Variants in ZFAT observed in about 807,000 individuals in gnomAD.
ZFAT encodes zinc finger protein ZFAT.
Under a neutral mutation model 117.7 loss-of-function variants are expected in ZFAT, and 64 were observed. The observed-to-expected ratio is 0.54, with a 90% CI of 0.44 to 0.67. ZFAT has a LOEUF of 0.67. ZFAT is among the 30% of genes least tolerant of loss of function. The probability of loss-of-function intolerance (pLI) is 0.00; values close to 1 mark genes in which losing one functional copy is unlikely to be tolerated. For missense variants in ZFAT, 1,433 were observed against 1,584.5 expected, an observed-to-expected ratio of 0.90 and a Z score of 1.62; for synonymous variants, 679 against 615.0, an observed-to-expected ratio of 1.10 and a Z score of -1.54.
the ZFAT span, chr8:134,797,636 T>G: frequency 6.6e-6 from 1 of 152,126 alleles, no homozygotes; most frequent in Admixed American, 6.6e-5. Context: ...CAGGTTCTAC[T>G]GCTAAGATTT....
At chr8:134,484,485 G>C (rs1817533994) in intron 15 of ZFAT, among the ~76,000 whole-genome samples, 1 of 152,222 alleles carries the variant, frequency 6.6e-6, no homozygotes, top group Admixed American at 6.5e-5. Flanking sequence ...AGGGAAGACG[G>C]TGCATTGTCT....
intron 3 of ZFAT, among the ~76,000 whole-genome samples, chr8:134,628,298 C>T (rs1172009449): frequency 1.3e-5 from 2 of 152,122 alleles, no homozygotes; most frequent in Non-Finnish European, 2.9e-5. Context: ...ATGGTGAGGG[C>T]ACAGGACACT....
the ZFAT span, among the ~76,000 whole-genome samples, chr8:134,746,043 TC>T: frequency 0.012 from 1,803 of 152,314 alleles, 41 homozygotes; most frequent in African/African-American, 0.041. Context: ...GAAAGCCCCT[TC>T]CAGGTTTCAT....
chr8:134,515,350 G>A (rs549520135), intron 13 of ZFAT, among the ~76,000 whole-genome samples: 1 of 152,302 alleles, frequency 6.6e-6, no homozygotes, highest in African/African-American at 2.4e-5. Flanking sequence ...GGGTCAAATG[G>A]TATTTCTGGT....
the ZFAT span, among the ~76,000 whole-genome samples, chr8:134,776,158 G>A: frequency 7.4e-4 from 112 of 152,320 alleles, 1 homozygote; most frequent in South Asian, 3.5e-3. Flanking sequence ...GATGAACACT[G>A]TGTGGTATTA....
the ZFAT span, among the ~76,000 whole-genome samples, chr8:134,809,437 T>C: frequency 6.6e-6 from 1 of 152,202 alleles, no homozygotes; most frequent in East Asian, 1.9e-4. Context: ...CCAGTTTTCC[T>C]AAATAGTATT....
chr8:134,497,487 G>T (rs1426467651), intron 15 of ZFAT, among the ~76,000 whole-genome samples: 17 of 123,900 alleles, frequency 1.4e-4, no homozygotes, highest in African/African-American at 4.1e-4. Flanking sequence ...AGCCTGATTT[G>T]GTAGGGTTGG....
At chr8:134,675,126 A>G (rs1832733283) in intron 1 of ZFAT, among the ~76,000 whole-genome samples, 1 of 152,232 alleles carries the variant, frequency 6.6e-6, no homozygotes, top group South Asian at 2.1e-4. Flanking sequence ...TGACAGAAGT[A>G]GGCTTCAGAA....
rs1480626434 is a variant in ZFAT, at chr8:134,478,295, TATTGCTG to T, written c.*180_*186del. The T allele has an allele frequency of 2.7e-5, 19 of 716,056 alleles. No individual in the cohort carries two copies. The African/African-American group carries it at 2.7e-4, about 10-fold the overall frequency. The allele number at this position is 716,056 out of a possible 1,614,324, so 44.4% of individuals were successfully genotyped here. A position where few individuals can be genotyped will look rare whatever the true frequency, so the allele number is the denominator to read the frequency against. On this transcript the variant is annotated 3_prime_UTR_variant, in exon 16 of 16. Coordinates refer to ENST00000377838, the MANE Select transcript of ZFAT (RefSeq NM_020863.4). The surrounding 1 kb of genome is among the most constrained non-coding windows in gnomAD (Gnocchi z 5.2). ...CTATGCTGGGGTGAGGGTCCTGTGG[TATTGCTG>T]GTGATGCTGACTGCCTTGCCCACCC... is the stretch of plus-strand genomic sequence containing the variant.
chr8:134,569,298 T>C (rs1824706298), intron 10 of ZFAT, among the ~76,000 whole-genome samples: 1 of 152,104 alleles, frequency 6.6e-6, no homozygotes, highest in South Asian at 2.1e-4. Flanking sequence ...AAAATACAGC[T>C]TATATTTTCA....
At chr8:134,746,352 A>C in the ZFAT span, among the ~76,000 whole-genome samples, 1 of 152,342 alleles carries the variant, frequency 6.6e-6, no homozygotes, top group African/African-American at 2.4e-5. Flanking sequence ...AGATGCCCCA[A>C]ATTGAAGACT....
At chr8:134,710,013 T>C (rs1421609944) in intron 1 of ZFAT, among the ~76,000 whole-genome samples, 1 of 152,140 alleles carries the variant, frequency 6.6e-6, no homozygotes, top group East Asian at 1.9e-4. Flanking sequence ...TGACCATGAG[T>C]TGACAGTAAC....
chr8:134,599,087 T>C (rs924262493), intron 7 of ZFAT: 1 of 152,218 alleles, frequency 6.6e-6, no homozygotes, highest in Non-Finnish European at 1.5e-5. Context: ...TTCCCGGCCA[T>C]AATAGCGTAC....
intron 15 of ZFAT, among the ~76,000 whole-genome samples, chr8:134,489,460 G>A (rs1018984380): frequency 6.6e-6 from 1 of 152,022 alleles, no homozygotes; most frequent in African/African-American, 2.4e-5. Context: ...CACCTTGCTC[G>A]GCCTCTGCAG....
intron 1 of ZFAT, among the ~76,000 whole-genome samples, chr8:134,677,509 G>C (rs980735259): frequency 2.6e-5 from 4 of 152,154 alleles, no homozygotes; most frequent in Admixed American, 6.5e-5. Context: ...AATTCTACCA[G>C]AGGTATGAAA....
the ZFAT span, among the ~76,000 whole-genome samples, chr8:134,782,631 A>G: frequency 1.3e-5 from 2 of 152,162 alleles, no homozygotes; most frequent in East Asian, 1.9e-4. Flanking sequence ...ATGGTAGTGA[A>G]TAAGTATCAC....
rs1411059447 is a variant in ZFAT, at chr8:134,610,566, T to C, written c.538A>G (p.Lys180Glu). 2 of 1,614,218 alleles carry C rather than the reference T, an allele frequency of 1.2e-6. No individual in the cohort carries two copies. The highest frequency in any genetic ancestry group is 1.7e-5 in the Admixed American group (1 of 60,030). Residue 180 changes from lysine (K) to glutamate (E), a missense_variant, in exon 4 of 16, where the codon AAA becomes GAA. Physicochemically the swap from Lys to Glu is moderately conservative, Grantham distance 56. This residue lies in a region of ZFAT where 436 missense variants were observed against 482.0 expected (regional missense o/e 0.90). Transcript: ENST00000377838. ...TCCTTTCCTGAGATCTTCTGGACTT[T>C]CTCTGTTTTCTGTGACCGTGGTCTT... is the stretch of plus-strand genomic sequence containing the variant. Reference protein sequence around the residue: ...SKRPRSQKTEKVQKISGKEAR... With the variant: ...SKRPRSQKTEEVQKISGKEAR...
At chr8:134,489,614 G>A (rs1443960810) in intron 15 of ZFAT, among the ~76,000 whole-genome samples, 1 of 152,070 alleles carries the variant, frequency 6.6e-6, no homozygotes, top group Non-Finnish European at 1.5e-5. Flanking sequence ...CCTCTAAGTG[G>A]CATAGGGCCC....
chr8:134,590,235 A>G (rs1382493809), intron 8 of ZFAT, 33 bp downstream of exon 8: 4 of 1,533,950 alleles, frequency 2.6e-6, no homozygotes, highest in Non-Finnish European at 3.6e-6. Context: ...CATTTTTAAC[A>G]TTAATCTTCC....
Sources: allele counts gnomAD v4.1 joint callset (sites outside exome capture counted in the v4.1 genomes callset), GRCh38; gene constraint gnomAD v4.1.1; regional missense constraint gnomAD v4.1.1; non-coding constraint Gnocchi (gnomAD v3.1); transcripts MANE v1.5; gene names NCBI Gene and HGNC (gene_info 2026-07-23, HGNC 2026-07-21).